The following LIN7A variants were observed in gnomAD, a reference collection of about 807,000 sequenced individuals.
LIN7A encodes lin-7 cell polarity scaffold A, also known as protein lin-7 homolog A.
LIN7A carries 25 observed loss-of-function variants against 29.8 expected under a neutral mutation model. The observed-to-expected ratio is 0.84, with a 90% confidence interval of 0.61 to 1.17. The LOEUF (loss-of-function observed/expected upper bound fraction) is 1.17, where lower values mean the gene tolerates loss of function less well. Among genes scored for constraint, LIN7A ranks in the 50% most tolerant of loss-of-function variants. The pLI is 0.00. For synonymous variants in LIN7A, 118 were observed against 107.5 expected, an observed-to-expected ratio of 1.10 and a Z score of -0.60; for missense variants, 239 against 287.0, an observed-to-expected ratio of 0.83 and a Z score of 1.21.
intron 1 of LIN7A, among the ~76,000 whole-genome samples, chr12:80,918,347 C>T (rs914713890): frequency 2.6e-5 from 4 of 152,070 alleles, no homozygotes; most frequent in Non-Finnish European, 4.4e-5. Flanking sequence ...CGTCCCTGGC[C>T]TTATGTATAT....
chr12:80,826,268 C>G (rs1230365451), intron 4 of LIN7A, among the ~76,000 whole-genome samples: 1 of 152,212 alleles, frequency 6.6e-6, no homozygotes, highest in African/African-American at 2.4e-5. Context: ...AATGCTCTAA[C>G]TGGCTCTAAC....
intron 4 of LIN7A, among the ~76,000 whole-genome samples, chr12:80,835,113 C>A (rs768954745): frequency 3.9e-5 from 6 of 152,068 alleles, no homozygotes; most frequent in Middle Eastern, 3.2e-3. Flanking sequence ...TTGAGATAAA[C>A]CACACATTTC....
intron 2 of LIN7A, among the ~76,000 whole-genome samples, chr12:80,860,124 C>G (rs1411473772): frequency 6.6e-6 from 1 of 152,128 alleles, no homozygotes; most frequent in Non-Finnish European, 1.5e-5. Flanking sequence ...GAGAACATCT[C>G]TTTATGATAA....
At chr12:80,850,654 C>A (rs1020093305) in intron 2 of LIN7A, among the ~76,000 whole-genome samples, 2 of 152,044 alleles carry the variant, frequency 1.3e-5, no homozygotes, top group Non-Finnish European at 1.5e-5. Flanking sequence ...CACAGTGAAG[C>A]CTCACAGAAC....
At chr12:80,835,365 G>A (rs7310874) in intron 4 of LIN7A, among the ~76,000 whole-genome samples, 21 of 151,912 alleles carry the variant, frequency 1.4e-4, no homozygotes, top group African/African-American at 5.1e-4. Flanking sequence ...GACAGGACAG[G>A]TGTTGTTACA....
At chr12:80,816,486 T>C (rs1164679094) in intron 4 of LIN7A, among the ~76,000 whole-genome samples, 1 of 150,224 alleles carries the variant, frequency 6.7e-6, no homozygotes, top group Non-Finnish European at 1.5e-5. Flanking sequence ...ACAATAGTTA[T>C]ATATATATAT....
intron 4 of LIN7A, among the ~76,000 whole-genome samples, chr12:80,821,790 C>T (rs1871818770): frequency 6.6e-6 from 1 of 152,224 alleles, no homozygotes; most frequent in African/African-American, 2.4e-5. Context: ...CAGACCCAGG[C>T]ATCTCTGCAT....
At chr12:80,929,022 A>G (rs1169248539) in intron 1 of LIN7A, among the ~76,000 whole-genome samples, 2 of 152,274 alleles carry the variant, frequency 1.3e-5, no homozygotes, top group East Asian at 3.9e-4. Flanking sequence ...CTAGTTTTAT[A>G]TTTAATTTTC....
At chr12:80,806,659 A>T (rs1269442300) in intron 5 of LIN7A, among the ~76,000 whole-genome samples, 2 of 152,220 alleles carry the variant, frequency 1.3e-5, no homozygotes, top group Admixed American at 6.5e-5. Flanking sequence ...TAAAAACCTG[A>T]GATGCTTAAA....
intron 5 of LIN7A, among the ~76,000 whole-genome samples, chr12:80,805,983 T>TGAGTGGATCACCTG (rs1565883224): frequency 6.4e-4 from 92 of 143,850 alleles, no homozygotes; most frequent in African/African-American, 8.1e-4. Context: ...GAGGCTGAGG[T>TGAGTGGATCACCTG]AGGAGAATCG....
Position 80,877,959 on chromosome 12 carries a change from CTCTA to C in LIN7A, c.201+11288_201+11291del, listed in dbSNP as rs1168050968. ...ATCTCAACAGAAGACAGAATGTTCA[CTCTA>C]TCTGACTGATACAAAATACAACTTC... On this transcript the variant is annotated intron_variant, in intron 2 of 5. Transcript: ENST00000552864. Among the ~76,000 whole-genome samples the C allele has an allele frequency of 3.9e-5, 6 of 152,126 alleles. No homozygotes were observed. The East Asian group carries it at 1.2e-3, about 29-fold the overall frequency.
chr12:80,826,725 G>A (rs1266338485), intron 4 of LIN7A, among the ~76,000 whole-genome samples: 2 of 152,072 alleles, frequency 1.3e-5, no homozygotes, highest in African/African-American at 2.4e-5. Flanking sequence ...ATTTCACCGT[G>A]TTGGCCAGGT....
At chr12:80,815,981 C>T (rs1871511584) in intron 4 of LIN7A, among the ~76,000 whole-genome samples, 1 of 152,136 alleles carries the variant, frequency 6.6e-6, no homozygotes. Flanking sequence ...TTACCTACCC[C>T]AAAATTATGC....
At chr12:80,867,072 C>A (rs1874179962) in intron 2 of LIN7A, among the ~76,000 whole-genome samples, 3 of 152,050 alleles carry the variant, frequency 2.0e-5, no homozygotes, top group African/African-American at 4.8e-5. Context: ...CTTGCCTCGC[C>A]CCCCAAGTAG....
chr12:80,854,254 G>A (rs141823316), intron 2 of LIN7A, among the ~76,000 whole-genome samples: 109 of 152,082 alleles, frequency 7.2e-4, no homozygotes, highest in African/African-American at 2.5e-3. Flanking sequence ...TGGTGGTATA[G>A]CCATACAATG....
At chr12:80,798,327 T>C (rs1054243759) in intron 5 of LIN7A, among the ~76,000 whole-genome samples, 1 of 152,228 alleles carries the variant, frequency 6.6e-6, no homozygotes, top group African/African-American at 2.4e-5. Context: ...AACAGTGATT[T>C]TTACATCTTC....
chr12:80,933,017 T>C (rs943201201), intron 1 of LIN7A, among the ~76,000 whole-genome samples: 1 of 152,180 alleles, frequency 6.6e-6, no homozygotes, highest in African/African-American at 2.4e-5. Flanking sequence ...TTCTCTTTGT[T>C]ACAAGGGTAA....
At chr12:80,868,413 A>G (rs1874249834) in intron 2 of LIN7A, among the ~76,000 whole-genome samples, 1 of 152,200 alleles carries the variant, frequency 6.6e-6, no homozygotes, top group African/African-American at 2.4e-5. Context: ...TACTAAAAAT[A>G]TAAAATTTGC....
intron 5 of LIN7A, among the ~76,000 whole-genome samples, chr12:80,808,915 C>T (rs1049274818): frequency 1.3e-5 from 2 of 151,936 alleles, no homozygotes; most frequent in African/African-American, 4.8e-5. Context: ...TGTTGAATTC[C>T]CAGGATTGTT....
Sources: gnomAD v4.1 joint callset for allele counts (sites outside exome capture counted in the v4.1 genomes callset) on GRCh38, gnomAD v4.1.1 for gene constraint, MANE v1.5 for transcripts, NCBI Gene and HGNC (gene_info 2026-07-23, HGNC 2026-07-21) for gene names.